The following KY variants were observed in gnomAD, a reference collection of about 807,000 sequenced individuals.
KY encodes the protein kyphoscoliosis peptidase.
A neutral mutation model predicts 76.1 loss-of-function variants in KY; 43 were observed. That is an observed-to-expected ratio of 0.57 (90% CI 0.44 to 0.73). KY has a LOEUF of 0.73. KY is among the 30% of genes least tolerant of loss of function. The probability of loss-of-function intolerance (pLI) is 0.00; values close to 1 mark genes in which losing one functional copy is unlikely to be tolerated. For synonymous variants in KY, 277 were observed against 326.2 expected (o/e 0.85, Z 1.63); for missense variants, 722 against 828.9 (o/e 0.87, Z 1.58).
chr3:134,612,565 A>G (rs1960673438), intron 8 of KY, among the ~76,000 whole-genome samples: 1 of 152,152 alleles, frequency 6.6e-6, no homozygotes, highest in African/African-American at 2.4e-5. Context: ...GCAAGGCCAG[A>G]GGAGTGGGTA....
At chr3:134,607,835 G>T in intron 10 of KY, 1 of 987,912 alleles carries the variant, frequency 1.0e-6, no homozygotes, top group Non-Finnish European at 1.2e-6. Context: ...GGAAACGGCT[G>T]GGTCCCGCCT....
intron 7 of KY, 43 bp downstream of exon 7, chr3:134,620,706 A>T: frequency 1.4e-6 from 2 of 1,409,782 alleles, no homozygotes; most frequent in South Asian, 2.4e-5. Context: ...CAGGGAATGG[A>T]AGCAAGGGAT....
At chr3:134,643,609 A>C (rs967841509) in intron 2 of KY, among the ~76,000 whole-genome samples, 1 of 152,250 alleles carries the variant, frequency 6.6e-6, no homozygotes, top group African/African-American at 2.4e-5. Flanking sequence ...GCCTCTTAGC[A>C]GGTGCCAGCA....
At chr3:134,646,041 C>T (rs1354054659) in intron 2 of KY, among the ~76,000 whole-genome samples, 1 of 152,220 alleles carries the variant, frequency 6.6e-6, no homozygotes. Context: ...GGATGCTGTG[C>T]TTCTTTGTTT....
At chr3:134,631,155 T>A (rs1964175973) in intron 3 of KY, among the ~76,000 whole-genome samples, 1 of 152,168 alleles carries the variant, frequency 6.6e-6, no homozygotes, top group Non-Finnish European at 1.5e-5. Flanking sequence ...AATAATATGA[T>A]GCAGAAAAAA....
At chr3:134,607,652 C>A (rs1959442409) in intron 10 of KY, 12 of 985,662 alleles carry the variant, frequency 1.2e-5, no homozygotes, top group Non-Finnish European at 1.3e-5. Flanking sequence ...GAAGGCCCTG[C>A]TTTTTTGTGA....
At chr3:134,615,349 CTTT>C (rs35886668) in intron 8 of KY, 12 of 96,160 alleles carry the variant, frequency 1.2e-4, no homozygotes, top group African/African-American at 4.0e-4. Context: ...GTTCAAGAAG[CTTT>C]TTTTTTTTTT....
rs1958892980 is a variant in KY, at chr3:134,600,014, A to G, written c.*3565T>C. ...CAACAGCCACCGGCCCACACAACTC[A>G]ATGCACACATTATGAGAAGTAATCA... On this transcript the variant is annotated 3_prime_UTR_variant, in exon 11 of 11. Transcript: ENST00000423778. Among the ~76,000 whole-genome samples the G allele has an allele frequency of 6.6e-6, 1 of 152,250 alleles. No individual in the cohort carries two copies. The highest frequency in any genetic ancestry group is 1.9e-4 in the East Asian group (1 of 5,206).
intron 2 of KY, among the ~76,000 whole-genome samples, chr3:134,646,778 G>C (rs944989748): frequency 6.6e-6 from 1 of 152,290 alleles, no homozygotes; most frequent in South Asian, 2.1e-4. Context: ...TCTGGGAGTA[G>C]AGGTTTGGTC....
At chr3:134,640,829 C>G (rs141528294) in intron 3 of KY, among the ~76,000 whole-genome samples, 31 of 152,368 alleles carry the variant, frequency 2.0e-4, no homozygotes, top group African/African-American at 7.2e-4. Flanking sequence ...GGGAACCTCT[C>G]TTGCTGGATT....
intron 2 of KY, among the ~76,000 whole-genome samples, 171 bp downstream of exon 2, chr3:134,647,264 A>G (rs966191742): frequency 6.6e-6 from 1 of 152,170 alleles, no homozygotes; most frequent in Non-Finnish European, 1.5e-5. Context: ...ACTCCAGGGA[A>G]CACTTCCCAC....
Position 134,607,657 on chromosome 3 carries a change from T to C in KY, c.1090+992A>G, listed in dbSNP as rs1372704243. 7 of 985,582 alleles carry C rather than the reference T, an allele frequency of 7.1e-6. No individual in the cohort carries two copies. In the African/African-American group the frequency reaches 1.0e-4, roughly 15 times the overall value. 61.1% of individuals were successfully genotyped at this position (985,582 alleles called of 1,614,324 possible). A position where few individuals can be genotyped will look rare whatever the true frequency, so the allele number is the denominator to read the frequency against. On this transcript the variant is annotated intron_variant, in intron 10 of 10. Transcript: ENST00000423778. ...ATCTTCCAGAGAAGGCCCTGCTTTTTTGTGACCAGTTCTGGCCCTCCAGGG... is the reference window on the plus strand; with the variant it reads ...ATCTTCCAGAGAAGGCCCTGCTTTTCTGTGACCAGTTCTGGCCCTCCAGGG...
At chr3:134,641,083 C>G (rs77501867) in intron 3 of KY, 2 of 152,436 alleles carry the variant, frequency 1.3e-5, no homozygotes, top group Non-Finnish European at 2.9e-5. Context: ...ACGCTCCTGC[C>G]TGGGGGCCTT....
At chr3:134,604,983 G>A (rs1282685591) in intron 10 of KY, among the ~76,000 whole-genome samples, 1 of 152,162 alleles carries the variant, frequency 6.6e-6, no homozygotes, top group Non-Finnish European at 1.5e-5. Flanking sequence ...TGCATAGGAG[G>A]TTGGGGTGGG....
chr3:134,621,991 T>C (rs1275960241), intron 6 of KY, among the ~76,000 whole-genome samples: 1 of 152,086 alleles, frequency 6.6e-6, no homozygotes, highest in Admixed American at 6.5e-5. Context: ...ATGAGAGAAA[T>C]GTAAATCAAA....
At position 134,603,569 on chromosome 3, in the gene KY, G is replaced by A; in HGVS notation, c.*10C>T. Reference sequence around the variant, plus strand: ...TGGCCCTTTGGGAGGGTAAGACCGGGGCACAGCCCTCACTGGGCATTCACT... The same window carrying A: ...TGGCCCTTTGGGAGGGTAAGACCGGAGCACAGCCCTCACTGGGCATTCACT... On this transcript the variant is annotated 3_prime_UTR_variant, in exon 11 of 11. Coordinates refer to ENST00000423778, the MANE Select transcript of KY (RefSeq NM_178554.6). The A allele has an allele frequency of 6.4e-7, 1 of 1,561,350 alleles. No homozygotes were observed. Among genetic ancestry groups the A allele is most frequent in the Non-Finnish European group, 8.7e-7 (1 of 1,149,188 alleles).
At chr3:134,626,006 A>G (rs1248644499) in intron 5 of KY, among the ~76,000 whole-genome samples, 2 of 152,366 alleles carry the variant, frequency 1.3e-5, no homozygotes, top group Admixed American at 6.5e-5. Flanking sequence ...TGCCTGGCCA[A>G]TGGTTAGACC....
rs1962471379 is a variant in KY at position 134,620,787 on chromosome 3, C to A, written c.554G>T (p.Arg185Met). 5 of 1,613,730 alleles carry A rather than the reference C, an allele frequency of 3.1e-6. No homozygotes were observed. The highest frequency in any genetic ancestry group is 4.2e-6 in the Non-Finnish European group (5 of 1,179,768). ...GATCCAGATCCAGATGGCGCGGACC[C>A]TTTCCAGGTCAGTGTGGGCCTCCTG... ...LLQEAHTDLE[R>M]VRAIWIWICH... is the part of the protein sequence containing the mutation. The change falls in exon 7 of 11, where the codon AGG (arginine) becomes ATG (methionine). Residue 185 changes from arginine (R) to methionine (M), a missense_variant. Arg to Met is a moderately conservative substitution (Grantham distance 91, BLOSUM62 -1). This residue lies in a region of KY where 552 missense variants were observed against 680.9 expected (regional missense o/e 0.81). Coordinates refer to ENST00000423778, the MANE Select transcript of KY (RefSeq NM_178554.6).
chr3:134,606,339 G>A (rs1390520623), intron 10 of KY, among the ~76,000 whole-genome samples: 1 of 152,184 alleles, frequency 6.6e-6, no homozygotes, highest in Admixed American at 6.5e-5. Flanking sequence ...CCGTGGAGAA[G>A]CCTGTCTCTT....
Sources: gnomAD v4.1 joint callset for allele counts (sites outside exome capture counted in the v4.1 genomes callset) on GRCh38, gnomAD v4.1.1 for gene constraint, gnomAD v4.1.1 regional missense constraint, MANE v1.5 for transcripts, NCBI Gene and HGNC (gene_info 2026-07-23, HGNC 2026-07-21) for gene names.